Variants in MPZL1 observed in about 807,000 individuals in gnomAD.
MPZL1 encodes the protein myelin protein zero-like protein 1.
A neutral mutation model predicts 29.3 loss-of-function variants in MPZL1; 16 were observed. The observed-to-expected ratio is 0.55, with a 90% CI of 0.37 to 0.83. The LOEUF is 0.83. Ranked by LOEUF, MPZL1 falls within the 40% of genes least tolerant of loss-of-function variation. The probability of loss-of-function intolerance (pLI) is 0.00; values close to 1 mark genes in which losing one functional copy is unlikely to be tolerated. For missense variants in MPZL1, 279 were observed against 332.9 expected (o/e 0.84, Z 1.26); for synonymous variants, 143 against 132.0 (o/e 1.08, Z -0.57).
chr1:167,732,772 A>G (rs1263808583), intron 1 of MPZL1, among the ~76,000 whole-genome samples: 5 of 152,178 alleles, frequency 3.3e-5, no homozygotes, highest in Non-Finnish European at 7.4e-5. Context: ...ATGCACTGCC[A>G]TACCTGGCTA....
chr1:167,743,469 G>C (rs1295519226), intron 1 of MPZL1, among the ~76,000 whole-genome samples: 1 of 151,964 alleles, frequency 6.6e-6, no homozygotes, highest in Non-Finnish European at 1.5e-5. Flanking sequence ...GCCTCCCAAA[G>C]TACTGAGATT....
chr1:167,756,665 C>A lies in MPZL1; in HGVS notation c.92-8918C>A, dbSNP rs549412638. Among the ~76,000 whole-genome samples, 34 of 152,230 alleles carry A rather than the reference C, an allele frequency of 2.2e-4. No individual in the cohort carries two copies. The South Asian group carries it at 2.5e-3, about 11-fold the overall frequency. ...AGTTGATTTTTATGGCTGAGCTTAT[C>A]TGAATTTAGTTTGATATATTGTATT... is the stretch of plus-strand genomic sequence containing the variant. On this transcript the variant is annotated intron_variant, in intron 1 of 5. Coordinates refer to ENST00000359523, the MANE Select transcript of MPZL1 (RefSeq NM_003953.6).
chr1:167,742,563 G>A (rs931494623), intron 1 of MPZL1, among the ~76,000 whole-genome samples: 16 of 152,106 alleles, frequency 1.1e-4, no homozygotes, highest in African/African-American at 3.9e-4. Context: ...AATGGATTGT[G>A]AAGATTTTCT....
At chr1:167,727,938 G>A (rs931655783) in intron 1 of MPZL1, among the ~76,000 whole-genome samples, 1 of 136,020 alleles carries the variant, frequency 7.4e-6, no homozygotes, top group Non-Finnish European at 1.5e-5. Flanking sequence ...GTGCAACCTC[G>A]GCTCACAGCA....
At chr1:167,740,562 C>T (rs1335336383) in intron 1 of MPZL1, among the ~76,000 whole-genome samples, 2 of 152,202 alleles carry the variant, frequency 1.3e-5, no homozygotes, top group East Asian at 1.9e-4. Context: ...TTTTCTCCCT[C>T]CCTGACCTTT....
intron 1 of MPZL1, among the ~76,000 whole-genome samples, chr1:167,729,276 GAA>G (rs74842614): frequency 8.0e-6 from 1 of 125,134 alleles, no homozygotes; most frequent in Admixed American, 8.0e-5. Flanking sequence ...TGTCTCAAAA[GAA>G]AAAAAAAAAA....
At chr1:167,732,822 G>C (rs1375951139) in intron 1 of MPZL1, among the ~76,000 whole-genome samples, 1 of 152,134 alleles carries the variant, frequency 6.6e-6, no homozygotes, top group East Asian at 1.9e-4. Context: ...TGACCAGGCT[G>C]GTCTCGAGCT....
At chr1:167,726,156 A>G (rs1344426065) in intron 1 of MPZL1, among the ~76,000 whole-genome samples, 2 of 152,078 alleles carry the variant, frequency 1.3e-5, no homozygotes, top group Non-Finnish European at 2.9e-5. Context: ...CCACACTGCC[A>G]TCTTTCTGCT....
intron 1 of MPZL1, among the ~76,000 whole-genome samples, chr1:167,729,264 C>G (rs1571131686): frequency 1.3e-5 from 2 of 150,290 alleles, no homozygotes; most frequent in South Asian, 2.1e-4. Flanking sequence ...AGTGAGACAC[C>G]CTGTCTCAAA....
chr1:167,744,963 A>T (rs1215081203), intron 1 of MPZL1, among the ~76,000 whole-genome samples: 1 of 152,264 alleles, frequency 6.6e-6, no homozygotes, highest in South Asian at 2.1e-4. Context: ...GTGGAAACTG[A>T]TGATACCATA....
At chr1:167,759,689 G>A (rs546560556) in intron 1 of MPZL1, among the ~76,000 whole-genome samples, 28 of 146,336 alleles carry the variant, frequency 1.9e-4, no homozygotes, top group African/African-American at 6.2e-4. Flanking sequence ...AATCAACTAC[G>A]CAGAGTGCCC....
At chr1:167,729,338 A>G (rs1300095484) in intron 1 of MPZL1, among the ~76,000 whole-genome samples, 2 of 152,146 alleles carry the variant, frequency 1.3e-5, no homozygotes, top group African/African-American at 4.8e-5. Flanking sequence ...TCCAAACATT[A>G]AGTTTACAAT....
intron 5 of MPZL1, 109 bp downstream of exon 5, chr1:167,776,275 G>A: frequency 1.5e-6 from 1 of 676,508 alleles, no homozygotes; most frequent in Non-Finnish European, 2.4e-6. Flanking sequence ...CAGAGACAGA[G>A]ACAGACAGAC....
intron 5 of MPZL1, among the ~76,000 whole-genome samples, chr1:167,779,065 T>A (rs1008673235): frequency 6.6e-6 from 1 of 151,702 alleles, no homozygotes; most frequent in African/African-American, 2.4e-5. Context: ...GAGGTTGCAG[T>A]GAGCTGAGAT....
At chr1:167,750,928 C>T (rs1487773265) in intron 1 of MPZL1, among the ~76,000 whole-genome samples, 1 of 152,066 alleles carries the variant, frequency 6.6e-6, no homozygotes, top group Non-Finnish European at 1.5e-5. Flanking sequence ...TTATATAAGC[C>T]AGTTACATAG....
chr1:167,733,277 C>T (rs1202678112), intron 1 of MPZL1, among the ~76,000 whole-genome samples: 1 of 152,212 alleles, frequency 6.6e-6, no homozygotes, highest in African/African-American at 2.4e-5. Flanking sequence ...TTCAGTGCTG[C>T]CATTTGGCCC....
intron 1 of MPZL1, among the ~76,000 whole-genome samples, chr1:167,754,616 C>A (rs1660829915): frequency 6.6e-6 from 1 of 152,184 alleles, no homozygotes; most frequent in Admixed American, 6.5e-5. Flanking sequence ...ATGTATTTTA[C>A]AAGTGAACAT....
intron 5 of MPZL1, chr1:167,787,155 T>G (rs1661608758): frequency 6.6e-6 from 1 of 151,052 alleles, no homozygotes; most frequent in Admixed American, 6.6e-5. Context: ...GGCTTTTTGT[T>G]TTTTCTTTTT....
At chr1:167,786,975 CAGTT>C (rs1661605790) in intron 5 of MPZL1, 2 of 152,194 alleles carry the variant, frequency 1.3e-5, no homozygotes, top group East Asian at 3.8e-4. Flanking sequence ...CTTCCCCCAA[CAGTT>C]AGGGAATTCG....
Sources: allele counts gnomAD v4.1 joint callset (sites outside exome capture counted in the v4.1 genomes callset), GRCh38; gene constraint gnomAD v4.1.1; transcripts MANE v1.5; gene names NCBI Gene and HGNC (gene_info 2026-07-23, HGNC 2026-07-21).